CDC14B: variants seen among roughly 807,000 people sequenced by gnomAD.
The protein encoded by CDC14B is dual specificity protein phosphatase CDC14B.
A neutral mutation model predicts 64.2 loss-of-function variants in CDC14B; 22 were observed. The observed-to-expected ratio is 0.34, with a 90% CI of 0.24 to 0.49. CDC14B has a LOEUF of 0.49. CDC14B is among the 20% of genes least tolerant of loss of function. The pLI, the probability that CDC14B is intolerant of heterozygous loss-of-function variation, is 0.99. For missense variants in CDC14B, 498 were observed against 629.9 expected (o/e 0.79, Z 2.24); for synonymous variants, 191 against 215.8 (o/e 0.89, Z 1.01).
Position 96,502,454 on chromosome 9 carries a change from C to T in CDC14B, c.*1299G>A, listed in dbSNP as rs2131232268. The T allele has an allele frequency of 6.0e-6, 1 of 165,924 alleles. No individual in the cohort carries two copies. Among genetic ancestry groups the T allele is most frequent in the East Asian group, 1.6e-4 (1 of 6,208 alleles). 10.3% of individuals were successfully genotyped at this position (165,924 alleles called of 1,614,324 possible). A position where few individuals can be genotyped will look rare whatever the true frequency, so the allele number is the denominator to read the frequency against. On this transcript the variant is annotated 3_prime_UTR_variant, in exon 14 of 14. Transcript: ENST00000375241. ...GCGCACGCCTTGTGGCTTAGGAGGG[C>T]ATTTGTTTCCCACTGCCTGTCGACA...
At chr9:96,577,523 T>C (rs985601656) in intron 1 of CDC14B, among the ~76,000 whole-genome samples, 33 of 152,170 alleles carry the variant, frequency 2.2e-4, no homozygotes, top group African/African-American at 8.0e-4. Context: ...AAGTTGAACA[T>C]AATAATTCTG....
chr9:96,607,033 AT>A (rs201347955), intron 1 of CDC14B, among the ~76,000 whole-genome samples: 135 of 151,546 alleles, frequency 8.9e-4, no homozygotes, highest in African/African-American at 3.0e-3. Flanking sequence ...TCTCAAAAAA[AT>A]TTAAAAAAAA....
intron 13 of CDC14B, among the ~76,000 whole-genome samples, chr9:96,508,620 T>C (rs1408816118): frequency 6.6e-6 from 1 of 152,226 alleles, no homozygotes; most frequent in Non-Finnish European, 1.5e-5. Context: ...CCTCCAATCC[T>C]TATGCCGGGG....
chr9:96,535,189 C>G, intron 7 of CDC14B, among the ~76,000 whole-genome samples: 1 of 152,178 alleles, frequency 6.6e-6, no homozygotes, highest in East Asian at 1.9e-4. Context: ...TGCCTGTAAT[C>G]CCAGCTACTC....
chr9:96,525,710 G>T (rs900203921), intron 9 of CDC14B, among the ~76,000 whole-genome samples: 1 of 152,194 alleles, frequency 6.6e-6, no homozygotes, highest in Non-Finnish European at 1.5e-5. Flanking sequence ...TGTCTATCCT[G>T]TGCCTGTACC....
At chr9:96,608,923 AC>A (rs1220238854) in intron 1 of CDC14B, among the ~76,000 whole-genome samples, 6,672 of 150,754 alleles carry the variant, frequency 0.044, 509 homozygotes, top group African/African-American at 0.16. Context: ...ACACACACAC[AC>A]ACGAAAAGAC....
At chr9:96,583,474 G>A (rs1845285419) in intron 1 of CDC14B, among the ~76,000 whole-genome samples, 1 of 150,204 alleles carries the variant, frequency 6.7e-6, no homozygotes, top group Non-Finnish European at 1.5e-5. Context: ...TCGGCTTACT[G>A]CAACCTCCAC....
intron 12 of CDC14B, among the ~76,000 whole-genome samples, chr9:96,512,308 G>GT (rs1835010250): frequency 6.8e-6 from 1 of 146,168 alleles, no homozygotes; most frequent in Admixed American, 6.8e-5. Context: ...ACAAGGAATT[G>GT]TTTTTAAAAT....
At chr9:96,519,075 G>A (rs1301654266) in intron 12 of CDC14B, among the ~76,000 whole-genome samples, 1 of 152,120 alleles carries the variant, frequency 6.6e-6, no homozygotes, top group Non-Finnish European at 1.5e-5. Flanking sequence ...GGCGGAGCTT[G>A]CAGTGAGCCG....
At chr9:96,536,682 G>A (rs1206413836) in intron 7 of CDC14B, among the ~76,000 whole-genome samples, 2 of 152,128 alleles carry the variant, frequency 1.3e-5, no homozygotes, top group South Asian at 2.1e-4. Context: ...TACTTTGGAC[G>A]TTGTGAAAAA....
intron 7 of CDC14B, among the ~76,000 whole-genome samples, chr9:96,536,642 C>T (rs1587863767): frequency 6.6e-6 from 1 of 152,086 alleles, no homozygotes; most frequent in Non-Finnish European, 1.5e-5. Flanking sequence ...AAAAACAGTT[C>T]AGTTAAACGT....
chr9:96,504,756 G>A (rs1005429276), intron 13 of CDC14B, among the ~76,000 whole-genome samples: 1 of 152,216 alleles, frequency 6.6e-6, no homozygotes. Flanking sequence ...CTGAGACTCT[G>A]AGGGTCAAGA....
intron 12 of CDC14B, among the ~76,000 whole-genome samples, chr9:96,518,675 C>A (rs1298540100): frequency 6.6e-6 from 1 of 152,156 alleles, no homozygotes; most frequent in African/African-American, 2.4e-5. Flanking sequence ...ACATAAAGAT[C>A]ACAGGGGTGA....
chr9:96,553,095 C>T (rs557403479), intron 4 of CDC14B, among the ~76,000 whole-genome samples: 2 of 152,226 alleles, frequency 1.3e-5, no homozygotes, highest in African/African-American at 4.8e-5. Flanking sequence ...TTAGCTGAAC[C>T]CAAATCTACT....
chr9:96,570,203 A>G (rs563943631), intron 1 of CDC14B, among the ~76,000 whole-genome samples: 1 of 152,328 alleles, frequency 6.6e-6, no homozygotes, highest in African/African-American at 2.4e-5. Flanking sequence ...CCTTTAGCAA[A>G]TATCTGTTAA....
chr9:96,579,019 T>C (rs56289861), intron 1 of CDC14B, among the ~76,000 whole-genome samples: 6,923 of 152,114 alleles, frequency 0.046, 486 homozygotes, highest in African/African-American at 0.16. Flanking sequence ...GGTTTCACCA[T>C]GTTGGCCAGG....
At chr9:96,574,232 C>T (rs147630932) in intron 1 of CDC14B, among the ~76,000 whole-genome samples, 2 of 151,514 alleles carry the variant, frequency 1.3e-5, no homozygotes, top group East Asian at 3.9e-4. Context: ...GCACAGTGTA[C>T]TATTGGCACA....
At position 96,515,832 on chromosome 9, in the gene CDC14B, G is replaced by T. The variant is rs1213444637; in HGVS notation, c.1344-6043C>A. On this transcript the variant is annotated intron_variant, in intron 12 of 13. Coordinates refer to ENST00000375241, the MANE Select transcript of CDC14B (RefSeq NM_033331.4). The surrounding 1 kb of genome is among the most constrained non-coding windows in gnomAD (Gnocchi z 4.3). ...AGGGGAAAGAACAGATGTTCAAATT[G>T]GGAAGCCAAAATAAATTACGCAATC... 6.6e-7 allele frequency: 1 copy of T among 1,525,470 alleles called. No individual in the cohort carries two copies. Among genetic ancestry groups the T allele is most frequent in the South Asian group, 1.3e-5 (1 of 79,244 alleles). The allele number at this position is 1,525,470 out of a possible 1,614,324, so 94.5% of individuals were successfully genotyped here.
chr9:96,617,179 A>G (rs1847684565), intron 1 of CDC14B, among the ~76,000 whole-genome samples: 2 of 151,524 alleles, frequency 1.3e-5, no homozygotes, highest in African/African-American at 4.9e-5. Context: ...GCAGCGTGGA[A>G]GGGGACCAGA....
Sources: allele counts gnomAD v4.1 joint callset (sites outside exome capture counted in the v4.1 genomes callset), GRCh38; gene constraint gnomAD v4.1.1; non-coding constraint Gnocchi (gnomAD v3.1); transcripts MANE v1.5; gene names NCBI Gene and HGNC (gene_info 2026-07-23, HGNC 2026-07-21).